TCF7L2: variants seen among roughly 807,000 people sequenced by gnomAD.
The protein encoded by TCF7L2 is transcription factor 7-like 2.
A neutral mutation model predicts 77.9 loss-of-function variants in TCF7L2; 23 were observed. That is an observed-to-expected ratio of 0.30 (90% CI 0.21 to 0.42). TCF7L2 has a LOEUF of 0.42. Among genes scored for constraint, TCF7L2 ranks in the 10% least tolerant of loss-of-function variants. TCF7L2 has a pLI of 1.00. For synonymous variants in TCF7L2, 413 were observed against 340.2 expected (o/e 1.21, Z -2.36); for missense variants, 654 against 793.1 (o/e 0.82, Z 2.11).
intron 4 of TCF7L2, among the ~76,000 whole-genome samples, chr10:112,991,225 G>A (rs766947812): frequency 6.6e-6 from 1 of 152,106 alleles, no homozygotes; most frequent in Non-Finnish European, 1.5e-5. Flanking sequence ...AGGCTCCTGA[G>A]TGGTTTGAAA....
intron 7 of TCF7L2, among the ~76,000 whole-genome samples, chr10:113,144,530 T>C (rs1463629187): frequency 6.6e-6 from 1 of 152,184 alleles, no homozygotes; most frequent in African/African-American, 2.4e-5. Context: ...CATGTTCTTG[T>C]ATGATTCCAG....
intron 8 of TCF7L2, among the ~76,000 whole-genome samples, chr10:113,148,018 G>C (rs1464233838): frequency 6.6e-6 from 1 of 152,190 alleles, no homozygotes; most frequent in Admixed American, 6.5e-5. Flanking sequence ...GGCGACAGAA[G>C]TATAGGTCTA....
intron 4 of TCF7L2, among the ~76,000 whole-genome samples, chr10:113,005,768 C>A (rs1009302371): frequency 6.6e-6 from 1 of 151,988 alleles, no homozygotes; most frequent in African/African-American, 2.4e-5. Flanking sequence ...AAATTGCTTG[C>A]CTGGAATAAG....
chr10:113,057,624 G>A (rs540541186), intron 5 of TCF7L2, among the ~76,000 whole-genome samples: 3 of 152,192 alleles, frequency 2.0e-5, no homozygotes, highest in Non-Finnish European at 4.4e-5. Flanking sequence ...TAATAAAATA[G>A]AAATAAATCT....
At chr10:113,114,362 A>G (rs573338496) in intron 5 of TCF7L2, among the ~76,000 whole-genome samples, 67 of 152,208 alleles carry the variant, frequency 4.4e-4, no homozygotes, top group Non-Finnish European at 7.1e-4. Context: ...TAGGTTCTGG[A>G]GAGTCCAACT....
intron 5 of TCF7L2, among the ~76,000 whole-genome samples, chr10:113,075,487 A>G (rs1467036409): frequency 2.0e-5 from 3 of 152,132 alleles, no homozygotes; most frequent in African/African-American, 7.2e-5. Flanking sequence ...AGAAAAAAAG[A>G]GTATCTTTAA....
intron 5 of TCF7L2, among the ~76,000 whole-genome samples, chr10:113,140,246 G>T (rs1308168327): frequency 1.3e-5 from 2 of 152,088 alleles, no homozygotes; most frequent in Non-Finnish European, 2.9e-5. Context: ...GAGTGGGGAG[G>T]GGTGGACTGA....
At chr10:112,973,182 G>T (rs1303982375) in intron 4 of TCF7L2, among the ~76,000 whole-genome samples, 1 of 152,196 alleles carries the variant, frequency 6.6e-6, no homozygotes, top group Non-Finnish European at 1.5e-5. Context: ...AGCAGACTGG[G>T]AATCCACCCC....
intron 4 of TCF7L2, among the ~76,000 whole-genome samples, chr10:113,027,234 A>G (rs946742359): frequency 1.1e-4 from 17 of 152,228 alleles, no homozygotes; most frequent in Non-Finnish European, 1.6e-4. Context: ...GCAGAAAGTT[A>G]CATTCCTAGT....
intron 4 of TCF7L2, among the ~76,000 whole-genome samples, chr10:112,995,309 A>G (rs1186663860): frequency 6.6e-6 from 1 of 152,098 alleles, no homozygotes; most frequent in Non-Finnish European, 1.5e-5. Flanking sequence ...TTTCAAGCAA[A>G]CCACATCATT....
At chr10:113,048,173 C>A (rs1280225991) in intron 5 of TCF7L2, among the ~76,000 whole-genome samples, 1 of 152,164 alleles carries the variant, frequency 6.6e-6, no homozygotes, top group African/African-American at 2.4e-5. Flanking sequence ...GCTCTGTTTA[C>A]GAAGCGTGGG....
intron 5 of TCF7L2, among the ~76,000 whole-genome samples, chr10:113,055,594 G>A (rs2055239252): frequency 6.6e-6 from 1 of 152,224 alleles, no homozygotes; most frequent in Non-Finnish European, 1.5e-5. Context: ...TAGAGATGGA[G>A]TCTCACTGCA....
chr10:113,019,894 T>C (rs1271421084), intron 4 of TCF7L2, among the ~76,000 whole-genome samples: 1 of 152,108 alleles, frequency 6.6e-6, no homozygotes, highest in African/African-American at 2.4e-5. Flanking sequence ...AGTGCAGTGA[T>C]ACGGATGGAG....
intron 5 of TCF7L2, among the ~76,000 whole-genome samples, chr10:113,106,412 C>T (rs1017718262): frequency 6.6e-6 from 1 of 152,192 alleles, no homozygotes; most frequent in Admixed American, 6.5e-5. Context: ...CGGCCACCTC[C>T]GATTCAAGGG....
At chr10:113,126,721 T>C in intron 5 of TCF7L2, 2 of 985,748 alleles carry the variant, frequency 2.0e-6, no homozygotes, top group Non-Finnish European at 2.4e-6. Flanking sequence ...TGTGTGCTGC[T>C]CCCCTGTGCC....
chr10:112,960,808 C>T (rs1419462775), intron 3 of TCF7L2, among the ~76,000 whole-genome samples: 2 of 152,084 alleles, frequency 1.3e-5, no homozygotes, highest in Admixed American at 6.5e-5. Context: ...CTGCCTCAGC[C>T]TCCCGAGTAG....
intron 13 of TCF7L2, among the ~76,000 whole-genome samples, chr10:113,165,214 T>C (rs1181822669): frequency 1.3e-5 from 2 of 152,170 alleles, no homozygotes; most frequent in African/African-American, 4.8e-5. Flanking sequence ...AAGCCACTTT[T>C]TGGCAAATAG....
chr10:113,061,202 G>A (rs4918788), intron 5 of TCF7L2, among the ~76,000 whole-genome samples: 80,388 of 151,732 alleles, frequency 0.53, 23,957 homozygotes, highest in African/African-American at 0.8. Flanking sequence ...TGGGGGACAG[G>A]GTTTCCCAAG....
chr10:113,071,168 C>G (rs2057959289), intron 5 of TCF7L2, among the ~76,000 whole-genome samples: 1 of 152,180 alleles, frequency 6.6e-6, no homozygotes, highest in Admixed American at 6.5e-5. Context: ...CACCCTGCCT[C>G]CCTACCCGCT....
Sources: allele counts gnomAD v4.1 joint callset (sites outside exome capture counted in the v4.1 genomes callset), GRCh38; gene constraint gnomAD v4.1.1; transcripts MANE v1.5; gene names NCBI Gene and HGNC (gene_info 2026-07-23, HGNC 2026-07-21).